The following MLXIP variants were observed in gnomAD, a reference collection of about 807,000 sequenced individuals.
The protein encoded by MLXIP is MLX-interacting protein.
A neutral mutation model predicts 87.2 loss-of-function variants in MLXIP; 30 were observed. The ratio of observed to expected loss-of-function variants is 0.34; its 90% CI spans 0.26 to 0.47. MLXIP has a LOEUF of 0.47. Ranked by LOEUF, MLXIP falls within the 20% of genes least tolerant of loss-of-function variation. The pLI is 1.00. For synonymous variants in MLXIP, 530 were observed against 514.0 expected (o/e 1.03, Z -0.42); for missense variants, 1,002 against 1,240.1 (o/e 0.81, Z 2.88).
Position 122,133,727 on chromosome 12 carries a change from C to G in MLXIP, c.1472C>G (p.Thr491Ser), listed in dbSNP as rs751229217. The change falls in exon 9 of 17, where the codon ACC becomes AGC. Residue 491 changes from threonine to serine, a missense_variant. By Grantham distance (58) the Thr-to-Ser change is moderately conservative. Around this residue, in one of 3 missense-constraint regions of MLXIP, gnomAD observed 746 missense variants for 897.0 expected, o/e 0.83. Coordinates refer to ENST00000319080, the MANE Select transcript of MLXIP (RefSeq NM_014938.6). This position sits in a 1 kb window ranked among gnomAD's most constrained non-coding sequence, Gnocchi z 4.9. Reference protein sequence around the residue: ...PSVITHTASATLTHDAPATTF... With the variant: ...PSVITHTASASLTHDAPATTF... Reference sequence around the variant, plus strand: ...GTCATCACCCACACGGCCTCTGCCACCCTCACCCACGATGCCCCCGCCACC... The same window carrying G: ...GTCATCACCCACACGGCCTCTGCCAGCCTCACCCACGATGCCCCCGCCACC... 1 of 1,613,726 alleles carries G rather than the reference C, an allele frequency of 6.2e-7. No homozygotes were observed. The highest frequency in any genetic ancestry group is 8.5e-7 in the Non-Finnish European group (1 of 1,179,854).
intron 15 of MLXIP, among the ~76,000 whole-genome samples, chr12:122,139,409 G>A (rs547408378): frequency 2.0e-4 from 31 of 152,294 alleles, no homozygotes; most frequent in East Asian, 7.7e-4. Context: ...AGGGGCTCTC[G>A]TGCCAAGGCC....
chr12:122,134,981 CT>C (rs11287019), intron 9 of MLXIP: 236,388 of 468,538 alleles, frequency 0.5, 61,215 homozygotes, highest in Admixed American at 0.57. Flanking sequence ...GCCTCTCTAT[CT>C]TTTTTTTAAA....
At chr12:122,087,485 G>A (rs2135897961) in intron 1 of MLXIP, among the ~76,000 whole-genome samples, 1 of 152,318 alleles carries the variant, frequency 6.6e-6, no homozygotes, top group African/African-American at 2.4e-5. Flanking sequence ...TAAGTGTCAA[G>A]TAGGAGCCAG....
At position 122,133,545 on chromosome 12, in the gene MLXIP, T is replaced by G; in HGVS notation, c.1290T>G (p.Pro430=). 6.2e-7 allele frequency: 1 copy of G among 1,608,536 alleles called. No homozygotes were observed. Among genetic ancestry groups the G allele is most frequent in the Non-Finnish European group, 8.5e-7 (1 of 1,177,666 alleles). Residue 430 remains proline, a synonymous_variant, in exon 9 of 17, where the codon CCT becomes CCG. Coordinates refer to ENST00000319080, the MANE Select transcript of MLXIP (RefSeq NM_014938.6). This position sits in a 1 kb window ranked among gnomAD's most constrained non-coding sequence, Gnocchi z 4.9. ...TGAGTGTCCCGCAGCCCTTCCTCCC[T>G]GTCTTCACCATGCCCCTGCTGTCTC... The part of the protein sequence containing the change: ...PPLSVPQPFL[P]VFTMPLLSPS...
chr12:122,098,964 G>A (rs1952396122), intron 1 of MLXIP, among the ~76,000 whole-genome samples: 3 of 152,260 alleles, frequency 2.0e-5, no homozygotes, highest in African/African-American at 4.8e-5. Flanking sequence ...GCAGCTGGGC[G>A]TGGTGGCTCA....
At chr12:122,115,034 A>G (rs1034709785) in intron 1 of MLXIP, among the ~76,000 whole-genome samples, 4 of 151,778 alleles carry the variant, frequency 2.6e-5, no homozygotes, top group African/African-American at 7.3e-5. Flanking sequence ...ATCGTGAGCC[A>G]CCGCACCCAG....
At chr12:122,093,646 TG>T (rs2135910188) in intron 1 of MLXIP, among the ~76,000 whole-genome samples, 1 of 115,676 alleles carries the variant, frequency 8.6e-6, no homozygotes, top group Admixed American at 1.0e-4. Flanking sequence ...TGTGGTGTGT[TG>T]GTGTGTGTGT....
chr12:122,137,431 C>A lies in MLXIP; in HGVS notation c.2033-38C>A. ...GCTGCCTCCTGGTGGCGTTGAGGGG[C>A]CAGGCCTCCGCCCCTCAGAGGAGTC... On this transcript the variant is annotated intron_variant, in intron 11 of 16. Transcript: ENST00000319080. This position sits in a 1 kb window ranked among gnomAD's most constrained non-coding sequence, Gnocchi z 4.1. The A allele has an allele frequency of 6.3e-7, 1 of 1,593,348 alleles. No homozygotes were observed.
In MLXIP at chr12:122,138,987, T is replaced by C. The variant is rs74844416; in HGVS notation, c.2508+49T>C. On this transcript the variant is annotated intron_variant, in intron 15 of 16. Transcript: ENST00000319080. ...TCTTCCCGGCCCTCAGCCAATGCAC[T>C]GAAGCCACAGACCGTGGCACTGTAG... is the stretch of plus-strand genomic sequence containing the variant. The C allele has an allele frequency of 1.7e-5, 28 of 1,608,384 alleles. No individual in the cohort carries two copies. The African/African-American group carries it at 2.9e-4, about 17-fold the overall frequency.
chr12:122,120,125 A>C (rs2090096800), intron 1 of MLXIP, among the ~76,000 whole-genome samples: 2 of 152,056 alleles, frequency 1.3e-5, no homozygotes, highest in Non-Finnish European at 2.9e-5. Context: ...TTCTGCCTTG[A>C]AAGTAATGAA....
At chr12:122,120,617 A>G (rs1251049898) in intron 1 of MLXIP, among the ~76,000 whole-genome samples, 1 of 152,204 alleles carries the variant, frequency 6.6e-6, no homozygotes, top group Admixed American at 6.6e-5. Context: ...TTTTACTACA[A>G]GAAAAAGAGT....
chr12:122,120,167 C>T (rs567885311), intron 1 of MLXIP, among the ~76,000 whole-genome samples: 7 of 109,342 alleles, frequency 6.4e-5, no homozygotes, highest in Admixed American at 5.8e-4. Context: ...TTCTTTCCCC[C>T]TCCCCCCTTC....
Position 122,146,158 on chromosome 12 carries a change from G to A in MLXIP, c.*4346G>A, listed in dbSNP as rs990513277. Reference sequence around the variant, plus strand: ...GCGTGTGCAGCAGTGGCCAGCCAGAGTGCCAAAGATGCACGGGGATGTGGT... The same window carrying A: ...GCGTGTGCAGCAGTGGCCAGCCAGAATGCCAAAGATGCACGGGGATGTGGT... On this transcript the variant is annotated 3_prime_UTR_variant, in exon 17 of 17. Coordinates refer to ENST00000319080, the MANE Select transcript of MLXIP (RefSeq NM_014938.6). 4 of 152,558 alleles carry A rather than the reference G, an allele frequency of 2.6e-5. No homozygotes were observed. The highest frequency in any genetic ancestry group is 9.6e-5 in the African/African-American group (4 of 41,472). The allele number at this position is 152,558 out of a possible 1,614,324, so 9.5% of individuals were successfully genotyped here.
rs896664466 is a variant in MLXIP, at chr12:122,096,040, A to G, written c.413+16774A>G. 6.6e-5 allele frequency among the ~76,000 whole-genome samples: 10 copies of G among 151,276 alleles called. No individual in the cohort carries two copies. The East Asian group carries it at 2.0e-3, about 30-fold the overall frequency. ...CCACCACGTATTTTTTCCATTTAATAGAGTGTGAACATCCCTCCAAGCCAC... is the reference window on the plus strand; with the variant it reads ...CCACCACGTATTTTTTCCATTTAATGGAGTGTGAACATCCCTCCAAGCCAC... On this transcript the variant is annotated intron_variant, in intron 1 of 16. Coordinates refer to ENST00000319080, the MANE Select transcript of MLXIP (RefSeq NM_014938.6).
chr12:122,141,156 G>A (rs1430888387), intron 16 of MLXIP, 73 bp downstream of exon 16: 9 of 1,508,034 alleles, frequency 6.0e-6, no homozygotes, highest in African/African-American at 2.7e-5. Context: ...GCTGAGGACA[G>A]TATTAGCCAG....
intron 1 of MLXIP, among the ~76,000 whole-genome samples, chr12:122,120,248 G>T (rs1016721616): frequency 4.0e-5 from 6 of 149,106 alleles, no homozygotes; most frequent in Non-Finnish European, 8.9e-5. Flanking sequence ...TTTGAGACAG[G>T]GTCTTGCCCT....
chr12:122,112,980 G>A (rs2135944746), intron 1 of MLXIP, among the ~76,000 whole-genome samples: 1 of 152,052 alleles, frequency 6.6e-6, no homozygotes, highest in East Asian at 1.9e-4. Context: ...CATAAAAAAA[G>A]GACTTCTAAA....
At chr12:122,088,446 C>T (rs1211274683) in intron 1 of MLXIP, among the ~76,000 whole-genome samples, 1 of 152,102 alleles carries the variant, frequency 6.6e-6, no homozygotes, top group Non-Finnish European at 1.5e-5. Context: ...GAAGGGGCTC[C>T]AGCATCTGGA....
intron 1 of MLXIP, among the ~76,000 whole-genome samples, chr12:122,107,236 G>T (rs1287589674): frequency 6.6e-6 from 1 of 152,112 alleles, no homozygotes; most frequent in Non-Finnish European, 1.5e-5. Flanking sequence ...TGACAGGACA[G>T]CTGTGAAACC....
Sources: gnomAD v4.1 joint callset for allele counts (sites outside exome capture counted in the v4.1 genomes callset) on GRCh38, gnomAD v4.1.1 for gene constraint, gnomAD v4.1.1 regional missense constraint, Gnocchi (gnomAD v3.1) non-coding constraint, MANE v1.5 for transcripts, NCBI Gene and HGNC (gene_info 2026-07-23, HGNC 2026-07-21) for gene names.